DLC1: variants seen among roughly 807,000 people sequenced by gnomAD.
DLC1 encodes rho GTPase-activating protein 7.
Under a neutral mutation model 140.3 loss-of-function variants are expected in DLC1, and 54 were observed. The observed-to-expected ratio is 0.38, with a 90% CI of 0.31 to 0.48. DLC1 has a LOEUF of 0.48. DLC1 is among the 20% of genes least tolerant of loss of function. DLC1 has a pLI of 0.96. For synonymous variants in DLC1, 986 were observed against 728.1 expected, an observed-to-expected ratio of 1.35 and a Z score of -5.70; for missense variants, 2,536 against 1,907.0, an observed-to-expected ratio of 1.33 and a Z score of -6.14.
At chr8:13,219,385 T>TAATTATACTTATATAA (rs1554473525) in intron 5 of DLC1, among the ~76,000 whole-genome samples, 57,076 of 124,462 alleles carry the variant, frequency 0.46, 14,725 homozygotes, top group East Asian at 0.83. Flanking sequence ...TATAATTATA[T>TAATTATACTTATATAA]TTCATATAAT....
At chr8:13,131,333 C>G (rs530882071) in intron 5 of DLC1, among the ~76,000 whole-genome samples, 1 of 151,970 alleles carries the variant, frequency 6.6e-6, no homozygotes, top group Admixed American at 6.6e-5. Flanking sequence ...CTTCAGCAAA[C>G]AGAATTTTGG....
intron 1 of DLC1, among the ~76,000 whole-genome samples, chr8:13,524,147 A>G (rs1475884524): frequency 8.5e-6 from 1 of 117,332 alleles, no homozygotes; most frequent in Non-Finnish European, 1.8e-5. Context: ...TATTATTATT[A>G]TTATTATTGA....
At chr8:13,417,177 C>T (rs1838105701) in intron 2 of DLC1, among the ~76,000 whole-genome samples, 1 of 152,084 alleles carries the variant, frequency 6.6e-6, no homozygotes, top group Non-Finnish European at 1.5e-5. Context: ...AGGGAACAAA[C>T]TGATGGGCAC....
At chr8:13,398,362 G>A (rs928955051) in intron 3 of DLC1, among the ~76,000 whole-genome samples, 2 of 152,020 alleles carry the variant, frequency 1.3e-5, no homozygotes, top group Admixed American at 6.6e-5. Flanking sequence ...GAATAGGTAG[G>A]TGGTGGAGAA....
intron 4 of DLC1, among the ~76,000 whole-genome samples, chr8:13,336,404 C>T (rs917691175): frequency 2.0e-5 from 3 of 152,032 alleles, no homozygotes; most frequent in African/African-American, 7.2e-5. Flanking sequence ...TACGAAAAGT[C>T]ACAATTCCAG....
chr8:13,144,657 C>A (rs569093077), intron 5 of DLC1, among the ~76,000 whole-genome samples: 2 of 151,996 alleles, frequency 1.3e-5, no homozygotes, highest in South Asian at 2.1e-4. Flanking sequence ...CCCAGCTACT[C>A]GGGAGGCTGA....
At position 13,372,270 on chromosome 8, in the gene DLC1, G is replaced by A. The variant is rs552533407; in HGVS notation, c.1314+21283C>T. The stretch of plus-strand genomic sequence containing the variant: ...TATTCTAAAAGTCTCAGAAAATCAC[G>A]AGCCAAAGGTTCAAAATCATGCTTT... On this transcript the variant is annotated intron_variant, in intron 4 of 17. Coordinates refer to ENST00000276297, the MANE Select transcript of DLC1 (RefSeq NM_182643.3). Among the ~76,000 whole-genome samples, 10 of 152,176 alleles carry A rather than the reference G, an allele frequency of 6.6e-5. No homozygotes were observed. The South Asian group carries it at 1.9e-3, about 29-fold the overall frequency.
At chr8:13,091,900 A>G (rs113769544) in intron 13 of DLC1, among the ~76,000 whole-genome samples, 4,203 of 152,148 alleles carry the variant, frequency 0.028, 81 homozygotes, top group Non-Finnish European at 0.047. Context: ...TCCTCTACTC[A>G]TCTCTAGCTC....
At chr8:13,367,035 C>T (rs1021060512) in intron 4 of DLC1, among the ~76,000 whole-genome samples, 1 of 152,182 alleles carries the variant, frequency 6.6e-6, no homozygotes, top group African/African-American at 2.4e-5. Context: ...CCTTTCCTCT[C>T]CATGTCTCCC....
rs995117265 is a variant in DLC1 at position 13,083,904 on chromosome 8, G to C, written c.*1907C>G. The C allele has an allele frequency of 6.6e-6, 1 of 152,584 alleles. No individual in the cohort carries two copies. The highest frequency in any genetic ancestry group is 2.4e-5 in the African/African-American group (1 of 41,444). 9.5% of individuals were successfully genotyped at this position (152,584 alleles called of 1,614,324 possible). A position where few individuals can be genotyped will look rare whatever the true frequency, so the allele number is the denominator to read the frequency against. ...GGGAGTGAGATGCAATATTAAGGAAGGCAGCCCAGACTTTTCCCTTACTTT... is the reference window on the plus strand; with the variant it reads ...GGGAGTGAGATGCAATATTAAGGAACGCAGCCCAGACTTTTCCCTTACTTT... On this transcript the variant is annotated 3_prime_UTR_variant, in exon 18 of 18. Transcript: ENST00000276297.
chr8:13,413,255 G>GCTTTTTTTTTTTTTT (rs1461897724), intron 2 of DLC1, among the ~76,000 whole-genome samples: 1 of 30,140 alleles, frequency 3.3e-5, no homozygotes, highest in East Asian at 3.4e-3. Context: ...ATTTTTTTGC[G>GCTTTTTTTTTTTTTT]ATTTTTTTTT....
chr8:13,387,898 C>A (rs181499708), intron 4 of DLC1, among the ~76,000 whole-genome samples: 4 of 151,916 alleles, frequency 2.6e-5, no homozygotes, highest in Non-Finnish European at 5.9e-5. Flanking sequence ...ATGACTGAAC[C>A]GTGAAAACTC....
chr8:13,105,600 T>A (rs1414851568), intron 7 of DLC1, among the ~76,000 whole-genome samples: 2 of 151,622 alleles, frequency 1.3e-5, no homozygotes, highest in Non-Finnish European at 2.9e-5. Flanking sequence ...TTCTTTTTTT[T>A]TTTTTTTGGA....
chr8:13,217,056 A>C (rs1442925653), intron 5 of DLC1, among the ~76,000 whole-genome samples: 1 of 152,148 alleles, frequency 6.6e-6, no homozygotes, highest in Non-Finnish European at 1.5e-5. Context: ...TCCTAGTTTC[A>C]AATTGGAGCC....
At chr8:13,432,170 C>G (rs1004134999) in intron 2 of DLC1, among the ~76,000 whole-genome samples, 7 of 152,170 alleles carry the variant, frequency 4.6e-5, no homozygotes, top group Non-Finnish European at 7.4e-5. Flanking sequence ...TCTATTTTCA[C>G]ACAAAGTATC....
intron 5 of DLC1, among the ~76,000 whole-genome samples, chr8:13,258,217 C>T (rs1049948887): frequency 2.0e-5 from 3 of 152,164 alleles, no homozygotes; most frequent in African/African-American, 4.8e-5. Context: ...CTTTCAAATA[C>T]CCCCTCCTTC....
chr8:13,199,907 C>G (rs985319073), intron 5 of DLC1, among the ~76,000 whole-genome samples: 12 of 152,204 alleles, frequency 7.9e-5, no homozygotes, highest in Non-Finnish European at 1.3e-4. Context: ...TTTGTTAAAA[C>G]AATGGTAATG....
At chr8:13,553,349 G>A (rs931767434) in intron 1 of DLC1, among the ~76,000 whole-genome samples, 1 of 149,494 alleles carries the variant, frequency 6.7e-6, no homozygotes, top group Non-Finnish European at 1.5e-5. Context: ...TCTCTCATGT[G>A]TTGTAGAGTA....
chr8:13,356,669 A>G (rs1194249987), intron 4 of DLC1, among the ~76,000 whole-genome samples: 4 of 152,136 alleles, frequency 2.6e-5, no homozygotes, highest in African/African-American at 4.8e-5. Context: ...GAAGTCAGCA[A>G]TTGGCCTCCA....
Sources: allele counts gnomAD v4.1 joint callset (sites outside exome capture counted in the v4.1 genomes callset), GRCh38; gene constraint gnomAD v4.1.1; transcripts MANE v1.5; gene names NCBI Gene and HGNC (gene_info 2026-07-23, HGNC 2026-07-21).